MAST2: variants seen among roughly 807,000 people sequenced by gnomAD.
The protein encoded by MAST2 is microtubule-associated serine/threonine-protein kinase 2.
A neutral mutation model predicts 147.4 loss-of-function variants in MAST2; 70 were observed. That is an observed-to-expected ratio of 0.47 (90% CI 0.39 to 0.58). The LOEUF (loss-of-function observed/expected upper bound fraction) is 0.58, where lower values mean the gene tolerates loss of function less well. Among genes scored for constraint, MAST2 ranks in the 20% least tolerant of loss-of-function variants. The pLI is 0.00. For synonymous variants in MAST2, 869 were observed against 896.8 expected (o/e 0.97, Z 0.55); for missense variants, 2,080 against 2,302.3 (o/e 0.90, Z 1.98).
intron 3 of MAST2, among the ~76,000 whole-genome samples, chr1:45,835,731 A>G (rs1460427837): frequency 6.6e-6 from 1 of 152,136 alleles, no homozygotes; most frequent in African/African-American, 2.4e-5. Context: ...CCTGCAAAAA[A>G]AATCCTCTAC....
At chr1:45,886,731 T>A (rs781516784) in intron 4 of MAST2, among the ~76,000 whole-genome samples, 8 of 152,248 alleles carry the variant, frequency 5.3e-5, no homozygotes, top group Non-Finnish European at 1.0e-4. Flanking sequence ...TTTTCATAAT[T>A]GAAGCAGCTC....
intron 4 of MAST2, among the ~76,000 whole-genome samples, chr1:45,884,544 G>A (rs1199948060): frequency 6.6e-6 from 1 of 151,790 alleles, no homozygotes. Flanking sequence ...AGAGTGATGC[G>A]CCGTCAAAAA....
At chr1:45,917,882 T>G (rs1490273629) in intron 4 of MAST2, among the ~76,000 whole-genome samples, 1 of 152,214 alleles carries the variant, frequency 6.6e-6, no homozygotes, top group African/African-American at 2.4e-5. Context: ...TGGGAAAATT[T>G]GAGTCCAAAA....
intron 3 of MAST2, among the ~76,000 whole-genome samples, chr1:45,869,097 T>C (rs1034887217): frequency 6.6e-6 from 1 of 152,254 alleles, no homozygotes; most frequent in South Asian, 2.1e-4. Flanking sequence ...TTTGTTTTTT[T>C]CATAGTCATT....
intron 4 of MAST2, among the ~76,000 whole-genome samples, chr1:45,940,986 A>G (rs1557939660): frequency 6.6e-6 from 1 of 152,160 alleles, no homozygotes; most frequent in Non-Finnish European, 1.5e-5. Context: ...GGTACTTGCA[A>G]AGTTTTTAGA....
chr1:45,818,548 T>G (rs1210843702), intron 1 of MAST2, among the ~76,000 whole-genome samples: 1 of 152,210 alleles, frequency 6.6e-6, no homozygotes, highest in Admixed American at 6.5e-5. Context: ...CTTTTTCACC[T>G]TTTCGATTTG....
chr1:46,027,574 C>T lies in MAST2; in HGVS notation c.1920-157C>T, dbSNP rs556544672. Among the ~76,000 whole-genome samples the T allele has an allele frequency of 5.9e-5, 9 of 152,344 alleles. No homozygotes were observed. The South Asian group carries it at 8.3e-4, about 14-fold the overall frequency. On this transcript the variant is annotated intron_variant, in intron 16 of 28. Transcript: ENST00000361297. ...GCACTCACACAGCCAGAGCGATTTA[C>T]GTGTCCACACCTGCCTGTCCCCCCA...
intron 4 of MAST2, among the ~76,000 whole-genome samples, chr1:45,942,531 T>C (rs1657451410): frequency 6.7e-6 from 1 of 150,046 alleles, no homozygotes; most frequent in Non-Finnish European, 1.5e-5. Flanking sequence ...ATTTTTTAAC[T>C]TTTAGGTTTG....
chr1:46,032,049 G>T, intron 24 of MAST2, 129 bp from the exon 25 acceptor site: 1 of 719,890 alleles, frequency 1.4e-6, no homozygotes. Flanking sequence ...CACAGGTCAG[G>T]GGCTGTGGGG....
chr1:46,003,268 G>C (rs1390584562), intron 7 of MAST2, among the ~76,000 whole-genome samples: 1 of 152,122 alleles, frequency 6.6e-6, no homozygotes, highest in Non-Finnish European at 1.5e-5. Context: ...TGAAGCACTT[G>C]GTAGACTCTC....
At chr1:46,008,401 A>G in intron 9 of MAST2, 30 bp downstream of exon 9, 3 of 1,530,298 alleles carry the variant, frequency 2.0e-6, no homozygotes, top group Non-Finnish European at 2.7e-6. Context: ...GAGAGTGGCA[A>G]TACCCCTCCG....
intron 7 of MAST2, among the ~76,000 whole-genome samples, chr1:46,004,750 T>C (rs1430781793): frequency 6.6e-6 from 1 of 152,224 alleles, no homozygotes; most frequent in Non-Finnish European, 1.5e-5. Context: ...AACAGAGTTA[T>C]CTCAGTGTGG....
intron 10 of MAST2, among the ~76,000 whole-genome samples, chr1:46,015,833 G>C (rs1350521123): frequency 6.6e-6 from 1 of 152,168 alleles, no homozygotes; most frequent in African/African-American, 2.4e-5. Context: ...TATGATGCCA[G>C]CATCATCCTG....
chr1:45,999,138 T>C (rs1440305473), intron 6 of MAST2, among the ~76,000 whole-genome samples: 2 of 152,234 alleles, frequency 1.3e-5, no homozygotes, highest in Admixed American at 6.5e-5. Flanking sequence ...CCATCCTCTT[T>C]CCAGGATTCT....
At chr1:46,000,951 T>C in intron 6 of MAST2, 2 of 1,289,632 alleles carry the variant, frequency 1.6e-6, no homozygotes, top group South Asian at 1.2e-5. Flanking sequence ...TGTATTTTTT[T>C]ACTACAGCCA....
chr1:46,001,939 A>C (rs564678656), intron 6 of MAST2, among the ~76,000 whole-genome samples: 9 of 152,270 alleles, frequency 5.9e-5, no homozygotes. Flanking sequence ...CAGCAAAAAA[A>C]CTTTGTATCT....
At chr1:45,907,135 AG>A (rs1241733051) in intron 4 of MAST2, among the ~76,000 whole-genome samples, 1 of 152,210 alleles carries the variant, frequency 6.6e-6, no homozygotes. Flanking sequence ...TGCATTTCTC[AG>A]AAGGTATCTC....
At chr1:45,857,198 A>C (rs1048036354) in intron 3 of MAST2, among the ~76,000 whole-genome samples, 1 of 152,214 alleles carries the variant, frequency 6.6e-6, no homozygotes, top group African/African-American at 2.4e-5. Context: ...TTGTATAGCT[A>C]GGCCCATGAT....
At chr1:45,978,681 G>T (rs1378605203) in intron 5 of MAST2, among the ~76,000 whole-genome samples, 2 of 152,174 alleles carry the variant, frequency 1.3e-5, no homozygotes, top group African/African-American at 2.4e-5. Flanking sequence ...TTGCAAAACA[G>T]CTTGGTGTTT....
Sources: gnomAD v4.1 joint callset for allele counts (sites outside exome capture counted in the v4.1 genomes callset) on GRCh38, gnomAD v4.1.1 for gene constraint, MANE v1.5 for transcripts, NCBI Gene and HGNC (gene_info 2026-07-23, HGNC 2026-07-21) for gene names.